The following RIIAD1 variants were observed in gnomAD, a reference collection of about 807,000 sequenced individuals.
The protein encoded by RIIAD1 is RIIa domain-containing protein 1.
Under a neutral mutation model 13.3 loss-of-function variants are expected in RIIAD1, and 15 were observed. The observed-to-expected ratio is 1.13, with a 90% CI of 0.76 to 1.74. RIIAD1 has a LOEUF of 1.74. RIIAD1 is among the 40% of genes most tolerant of loss of function. The pLI is 0.00. For missense variants in RIIAD1, 121 were observed against 112.2 expected (o/e 1.08, Z -0.35); for synonymous variants, 50 against 43.3 (o/e 1.16, Z -0.61).
upstream of RIIAD1, chr1:151,716,889 C>G (rs1442067290): frequency 6.3e-5 from 27 of 430,138 alleles, no homozygotes; most frequent in Middle Eastern, 5.5e-4. Context: ...TACAAATTCT[C>G]TACCCTGGAG....
chr1:151,720,418 A>G (rs1479920826), upstream of RIIAD1, among the ~76,000 whole-genome samples: 1 of 152,196 alleles, frequency 6.6e-6, no homozygotes, highest in Non-Finnish European at 1.5e-5. Flanking sequence ...CTCTCTCTTA[A>G]AAAAAGACAA....
chr1:151,713,221 G>T (rs990566414), intron 2 of RIIAD1, among the ~76,000 whole-genome samples: 1 of 152,120 alleles, frequency 6.6e-6, no homozygotes, highest in Non-Finnish European at 1.5e-5. Flanking sequence ...TTAACCAGGC[G>T]CCCTTCTTCC....
At chr1:151,714,188 T>G (rs1673263615) in intron 3 of RIIAD1, among the ~76,000 whole-genome samples, 1 of 151,942 alleles carries the variant, frequency 6.6e-6, no homozygotes, top group Admixed American at 6.6e-5. Flanking sequence ...CACTCCTCCC[T>G]CATCTCACAG....
intron 2 of RIIAD1, 134 bp from the exon 3 acceptor site, chr1:151,727,441 G>A: frequency 1.4e-6 from 1 of 694,906 alleles, no homozygotes; most frequent in Non-Finnish European, 2.6e-6. Context: ...TCTTTGTCAG[G>A]AGTCTGCGGA....
At chr1:151,716,211 A>G in intron 4 of RIIAD1, 1 of 571,944 alleles carries the variant, frequency 1.7e-6, no homozygotes, top group Non-Finnish European at 3.1e-6. Context: ...GTTGAGTGCT[A>G]GGGGTCAGGG....
chr1:151,721,909 G>C lies in RIIAD1; in HGVS notation c.85-177G>C, dbSNP rs1673744064. The C allele has an allele frequency of 3.3e-5, 20 of 614,454 alleles. No homozygotes were observed. In the South Asian group the frequency reaches 3.8e-4, roughly 12 times the overall value. The allele number at this position is 614,454 out of a possible 1,614,324, so 38.1% of individuals were successfully genotyped here. On this transcript the variant is annotated intron_variant, in intron 1 of 4. Coordinates refer to ENST00000479191, the MANE Select transcript of RIIAD1 (RefSeq NM_001144956.3). The stretch of plus-strand genomic sequence containing the variant: ...GACCTTAGTAAAGGCCCCTCATCCT[G>C]AACAAGCGGCAGAATGATATTTTAT...
chr1:151,728,664 C>T, intron 3 of RIIAD1, 102 bp from the exon 4 acceptor site: 2 of 726,822 alleles, frequency 2.8e-6, no homozygotes, highest in African/African-American at 1.7e-5. Flanking sequence ...GTCCTGCGTA[C>T]CAAGCCATCC....
chr1:151,714,689 A>G, intron 4 of RIIAD1: 1 of 1,532,020 alleles, frequency 6.5e-7, no homozygotes, highest in Non-Finnish European at 8.8e-7. Flanking sequence ...GAGGAGGGGC[A>G]GGGGCAGAGA....
Position 151,728,833 on chromosome 1 carries a change from T to C in RIIAD1, c.276T>C (p.Ala92=), listed in dbSNP as rs2101518987. ...AGCTAATTAAAGACAAGAAAGCGGC[T>C]TAATTAGCAAAATCATGATGCTCAG... ...HMQLIKDKKA[A] The change falls in exon 4 of 5, where the codon GCT becomes GCC. Residue 92 remains alanine (A), a synonymous_variant. Coordinates refer to ENST00000479191, the MANE Select transcript of RIIAD1 (RefSeq NM_001144956.3). 1 of 1,530,436 alleles carries C rather than the reference T, an allele frequency of 6.5e-7. No homozygotes were observed. Among genetic ancestry groups the C allele is most frequent in the Non-Finnish European group, 8.9e-7 (1 of 1,127,884 alleles). The allele number at this position is 1,530,436 out of a possible 1,614,324, so 94.8% of individuals were successfully genotyped here. A position where few individuals can be genotyped will look rare whatever the true frequency, so the allele number is the denominator to read the frequency against.
chr1:151,714,455 T>C (rs1219775882), exon 4 of RIIAD1: 2 of 724,660 alleles, frequency 2.8e-6, no homozygotes, highest in Non-Finnish European at 5.1e-6. Flanking sequence ...GCAAGAAAGA[T>C]GGATGCTACA....
upstream of RIIAD1, among the ~76,000 whole-genome samples, chr1:151,719,272 G>C (rs1382543359): frequency 6.6e-6 from 1 of 152,088 alleles, no homozygotes; most frequent in Non-Finnish European, 1.5e-5. Flanking sequence ...AGTCCTGTGA[G>C]GTAAAGGCAG....
upstream of RIIAD1, among the ~76,000 whole-genome samples, chr1:151,720,592 C>T (rs1003268235): frequency 5.9e-5 from 9 of 152,230 alleles, no homozygotes; most frequent in African/African-American, 2.2e-4. Context: ...AATGATAACC[C>T]CTCCACGGCC....
chr1:151,728,786 C>G lies in RIIAD1; in HGVS notation c.229C>G (p.Leu77Val). The change falls in exon 4 of 5, where the codon CTT (leucine) becomes GTT (valine). Residue 77 changes from leucine to valine, a missense_variant. Transcript: ENST00000479191. ...CCCAGACTACTTCACGGATCCAAGA[C>G]TTCCCAACAAGATTCACATGCAGCT... ...FAADYFTDPR[L>V]PNKIHMQLIK... is the part of the protein sequence containing the mutation. 6.5e-7 allele frequency: 1 copy of G among 1,542,696 alleles called. No homozygotes were observed. Among genetic ancestry groups the G allele is most frequent in the Non-Finnish European group, 8.8e-7 (1 of 1,138,938 alleles).
intron 2 of RIIAD1, among the ~76,000 whole-genome samples, chr1:151,724,890 C>T (rs534179387): frequency 1.9e-4 from 29 of 151,880 alleles, no homozygotes; most frequent in African/African-American, 6.8e-4. Context: ...ACCTCCGCCT[C>T]CCGTATTCAC....
chr1:151,713,010 A>G (rs1299460765), intron 2 of RIIAD1, among the ~76,000 whole-genome samples: 2 of 152,180 alleles, frequency 1.3e-5, no homozygotes, highest in Non-Finnish European at 2.9e-5. Context: ...GGGAAGACAA[A>G]GGGTCACAGA....
chr1:151,712,699 A>C (rs1046154698), intron 2 of RIIAD1, among the ~76,000 whole-genome samples: 2 of 152,216 alleles, frequency 1.3e-5, no homozygotes. Flanking sequence ...CCCAGCCCCC[A>C]TTCTTTCTCT....
chr1:151,723,614 C>T (rs575828205), intron 2 of RIIAD1, among the ~76,000 whole-genome samples: 5 of 152,290 alleles, frequency 3.3e-5, no homozygotes, highest in Admixed American at 6.5e-5. Flanking sequence ...GCAGGAGAAT[C>T]GCTTAAACCT....
chr1:151,712,387 C>G lies in RIIAD1; in HGVS notation c.-186+390C>G, dbSNP rs374892193. On this transcript the variant is annotated intron_variant, in intron 2 of 8. Transcript: ENST00000326413. ...ACAAAATCTAATTCTTTTGAGGGTA[C>G]AGCCTGGGGTCCTGCCACTCCTGGC... Among the ~76,000 whole-genome samples the G allele has an allele frequency of 1.4e-4, 22 of 152,362 alleles. No individual in the cohort carries two copies. The South Asian group carries it at 4.6e-3, about 32-fold the overall frequency.
At chr1:151,711,603 G>A (rs1405828925) in intron 1 of RIIAD1, among the ~76,000 whole-genome samples, 1 of 152,246 alleles carries the variant, frequency 6.6e-6, no homozygotes, top group Non-Finnish European at 1.5e-5. Flanking sequence ...GTGCGGGTGC[G>A]CATGCGCAAG....
Sources: allele counts gnomAD v4.1 joint callset (sites outside exome capture counted in the v4.1 genomes callset), GRCh38; gene constraint gnomAD v4.1.1; transcripts MANE v1.5; gene names NCBI Gene and HGNC (gene_info 2026-07-23, HGNC 2026-07-21).